Variants in THEMIS observed in about 807,000 individuals in gnomAD.
THEMIS encodes thymocyte selection associated.
A neutral mutation model predicts 52.6 loss-of-function variants in THEMIS; 37 were observed. The observed-to-expected ratio is 0.70, with a 90% CI of 0.54 to 0.93. The LOEUF is 0.93. Ranked by LOEUF, THEMIS falls within the 40% of genes least tolerant of loss-of-function variation. THEMIS has a pLI of 0.00. For missense variants in THEMIS, 808 were observed against 763.1 expected (o/e 1.06, Z -0.69); for synonymous variants, 292 against 272.7 (o/e 1.07, Z -0.70).
At chr6:127,715,970 A>C (rs773288445) in intron 5 of THEMIS, among the ~76,000 whole-genome samples, 2 of 151,840 alleles carry the variant, frequency 1.3e-5, no homozygotes, top group African/African-American at 2.4e-5. Flanking sequence ...CTGGGACTCA[A>C]ACTTGGAGTG....
At chr6:127,799,271 C>A (rs535985805) in intron 4 of THEMIS, among the ~76,000 whole-genome samples, 1 of 151,960 alleles carries the variant, frequency 6.6e-6, no homozygotes, top group East Asian at 1.9e-4. Flanking sequence ...GTGTGGTGAT[C>A]AAAAACAAAA....
chr6:127,824,404 A>G (rs1778435467), intron 3 of THEMIS, among the ~76,000 whole-genome samples: 2 of 152,102 alleles, frequency 1.3e-5, no homozygotes, highest in Admixed American at 6.5e-5. Context: ...GACTCACAAA[A>G]CCTAAATTTG....
intron 4 of THEMIS, among the ~76,000 whole-genome samples, chr6:127,735,940 T>C: frequency 6.6e-6 from 1 of 152,204 alleles, no homozygotes; most frequent in East Asian, 1.9e-4. Flanking sequence ...ACTACATAAA[T>C]TACTTTTGTT....
downstream of THEMIS, among the ~76,000 whole-genome samples, chr6:127,706,861 G>T (rs1773813736): frequency 6.6e-6 from 1 of 152,022 alleles, no homozygotes; most frequent in African/African-American, 2.4e-5. Context: ...AGGCCTCAGG[G>T]TAGGAATAGC....
Position 127,813,171 on chromosome 6 carries a change from T to TGC in THEMIS, c.1469_1470insGC (p.Leu491HisfsTer3), listed in dbSNP as rs767969277. On this transcript the variant is annotated frameshift_variant, in exon 4 of 6. Transcript: ENST00000368248. LOFTEE classifies it high-confidence loss of function. ...TGGGGTTGGCAAAGTCACTTATGAGTAGGTAAGAGTCTGTAATGTCCTCCT... is the reference window on the plus strand; with the variant it reads ...TGGGGTTGGCAAAGTCACTTATGAGTGCAGGTAAGAGTCTGTAATGTCCTCCT... 2.0e-5 allele frequency: 32 copies of TGC among 1,613,818 alleles called. No homozygotes were observed. Among genetic ancestry groups the TGC allele is most frequent in the Non-Finnish European group, 2.6e-5 (31 of 1,179,992 alleles).
rs757477241 is a variant in THEMIS at position 127,709,171 on chromosome 6, T to C, written c.*814A>G. Reference sequence around the variant, plus strand: ...TTTGGTTTCTTGTCAGCCAAATTTATTATATTACAATTTTATTGTCTTTTT... The same window carrying C: ...TTTGGTTTCTTGTCAGCCAAATTTACTATATTACAATTTTATTGTCTTTTT... On this transcript the variant is annotated 3_prime_UTR_variant, in exon 6 of 6. Coordinates refer to ENST00000368248, the MANE Select transcript of THEMIS (RefSeq NM_001010923.3). 24 of 152,034 alleles carry C rather than the reference T, an allele frequency of 1.6e-4. No homozygotes were observed. The highest frequency in any genetic ancestry group is 2.6e-4 in the Non-Finnish European group (18 of 67,976). The allele number at this position is 152,034 out of a possible 1,614,324, so 9.4% of individuals were successfully genotyped here. A position where few individuals can be genotyped will look rare whatever the true frequency, so the allele number is the denominator to read the frequency against.
At chr6:127,785,139 G>T (rs1381518790) in intron 4 of THEMIS, among the ~76,000 whole-genome samples, 4 of 149,770 alleles carry the variant, frequency 2.7e-5, no homozygotes, top group Non-Finnish European at 5.9e-5. Flanking sequence ...CCTACCTATT[G>T]TCTACCTACC....
At chr6:127,808,869 A>G (rs1381652276) in intron 4 of THEMIS, among the ~76,000 whole-genome samples, 1 of 152,160 alleles carries the variant, frequency 6.6e-6, no homozygotes, top group Admixed American at 6.5e-5. Context: ...GTCCTCATAT[A>G]TTCTTAATTT....
At chr6:127,704,894 G>A (rs1242757482), downstream of THEMIS, among the ~76,000 whole-genome samples, 1 of 152,152 alleles carries the variant, frequency 6.6e-6, no homozygotes, top group Admixed American at 6.5e-5. Flanking sequence ...TTCATGTATG[G>A]GTCAACTTAG....
intron 1 of THEMIS, among the ~76,000 whole-genome samples, chr6:127,893,866 A>G (rs556264947): frequency 1.8e-4 from 28 of 152,266 alleles, no homozygotes; most frequent in African/African-American, 6.7e-4. Context: ...ACATAAAACA[A>G]AAAATAGAAC....
rs576202106 is a variant in THEMIS, at chr6:127,860,839, G to A, written c.92-5651C>T. Among the ~76,000 whole-genome samples the A allele has an allele frequency of 1.4e-4, 21 of 152,210 alleles. No individual in the cohort carries two copies. In the South Asian group the frequency reaches 2.5e-3, roughly 18 times the overall value. ...ACTGTTTCGTGCATTAGCTAAAAAC[G>A]TATTTGTTTAATGGTAAATTTATTA... On this transcript the variant is annotated intron_variant, in intron 1 of 5. Transcript: ENST00000368248.
chr6:127,795,452 C>T (rs1009659020), intron 4 of THEMIS, among the ~76,000 whole-genome samples: 4 of 152,138 alleles, frequency 2.6e-5, no homozygotes, highest in African/African-American at 9.7e-5. Context: ...CCTCAGCCTC[C>T]TGAGTCGCTG....
chr6:127,720,326 T>C (rs1480372594), intron 4 of THEMIS, among the ~76,000 whole-genome samples: 1 of 151,910 alleles, frequency 6.6e-6, no homozygotes, highest in Non-Finnish European at 1.5e-5. Context: ...CTTTAGTCAA[T>C]TTCAGAGTAA....
intron 1 of THEMIS, among the ~76,000 whole-genome samples, chr6:127,912,120 C>G (rs1678575811): frequency 6.6e-6 from 1 of 152,144 alleles, no homozygotes; most frequent in African/African-American, 2.4e-5. Flanking sequence ...TCAGCATGAT[C>G]TGGATGTGAG....
At chr6:127,878,124 G>C (rs1162701094) in intron 1 of THEMIS, among the ~76,000 whole-genome samples, 1 of 152,126 alleles carries the variant, frequency 6.6e-6, no homozygotes, top group Non-Finnish European at 1.5e-5. Flanking sequence ...TTTTAGTAAG[G>C]CTGCTTCATG....
At chr6:127,886,628 T>C (rs1345240715) in intron 1 of THEMIS, among the ~76,000 whole-genome samples, 1 of 152,136 alleles carries the variant, frequency 6.6e-6, no homozygotes, top group Non-Finnish European at 1.5e-5. Context: ...GGGCACTCCA[T>C]GTTTATGAGG....
Position 127,891,397 on chromosome 6 carries a change from C to T in THEMIS, c.91+9445G>A, listed in dbSNP as rs181018014. ...AATGCGAAAAAATAATTAACCAGGC[C>T]TGGTGGCGGGCACCTGTAGTCCCAG... On this transcript the variant is annotated intron_variant, in intron 1 of 5. Coordinates refer to ENST00000368248, the MANE Select transcript of THEMIS (RefSeq NM_001010923.3). 5.3e-5 allele frequency among the ~76,000 whole-genome samples: 8 copies of T among 151,804 alleles called. No homozygotes were observed. In the East Asian group the frequency reaches 1.4e-3, roughly 26 times the overall value.
intron 2 of THEMIS, among the ~76,000 whole-genome samples, chr6:127,844,413 G>A (rs1413971640): frequency 1.3e-5 from 2 of 151,852 alleles, no homozygotes; most frequent in African/African-American, 4.8e-5. Flanking sequence ...CTTCATGTCT[G>A]CTACCTCCCG....
intron 4 of THEMIS, among the ~76,000 whole-genome samples, chr6:127,791,487 C>T (rs1366695830): frequency 1.3e-5 from 2 of 152,178 alleles, no homozygotes; most frequent in Non-Finnish European, 2.9e-5. Context: ...AAAGTAGGTG[C>T]TGATCGGCCC....
Sources: gnomAD v4.1 joint callset for allele counts (sites outside exome capture counted in the v4.1 genomes callset) on GRCh38, gnomAD v4.1.1 for gene constraint, MANE v1.5 for transcripts, NCBI Gene and HGNC (gene_info 2026-07-23, HGNC 2026-07-21) for gene names.